The following UBE2N variants were observed in gnomAD, a reference collection of about 807,000 sequenced individuals.
UBE2N encodes ubiquitin conjugating enzyme E2 N.
For missense variants in UBE2N, 60 were observed against 192.1 expected (o/e 0.31, Z 4.07); for synonymous variants, 70 against 69.2 (o/e 1.01, Z -0.06).
At chr12:93,424,198 G>A (rs1878505495) in intron 1 of UBE2N, 1 of 152,062 alleles carries the variant, frequency 6.6e-6, no homozygotes, top group African/African-American at 2.4e-5. Flanking sequence ...AAAACCATAC[G>A]GCATAAACAG....
chr12:93,414,724 T>C (rs897717490), intron 1 of UBE2N, among the ~76,000 whole-genome samples: 3 of 152,156 alleles, frequency 2.0e-5, no homozygotes, highest in Admixed American at 6.5e-5. Flanking sequence ...GTTTTCTCAG[T>C]GAAGCCATCA....
At chr12:93,419,355 A>C (rs943952187) in intron 1 of UBE2N, among the ~76,000 whole-genome samples, 2 of 152,088 alleles carry the variant, frequency 1.3e-5, no homozygotes, top group African/African-American at 4.8e-5. Flanking sequence ...GTGCCACTGC[A>C]CTTCAGCCTG....
chr12:93,417,069 T>C (rs920809996), intron 1 of UBE2N, among the ~76,000 whole-genome samples: 1 of 152,178 alleles, frequency 6.6e-6, no homozygotes, highest in African/African-American at 2.4e-5. Flanking sequence ...ATGTAGACTA[T>C]GTTCAGGAAG....
intron 1 of UBE2N, among the ~76,000 whole-genome samples, chr12:93,441,459 ACCAGGCGCCCGAGCCCCG>A (rs1358778817): frequency 2.0e-5 from 3 of 152,084 alleles, no homozygotes; most frequent in Non-Finnish European, 4.4e-5. Flanking sequence ...CACAATCCCC[ACCAGGCGCCCGAGCCCCG>A]CCGCGATTCC....
intron 1 of UBE2N, among the ~76,000 whole-genome samples, chr12:93,412,744 GAAGGAGGAAGT>G (rs1224332982): frequency 1.3e-5 from 2 of 152,204 alleles, no homozygotes; most frequent in Non-Finnish European, 2.9e-5. Flanking sequence ...GGGAACAAAG[GAAGGAGGAAGT>G]AACTTGTGGA....
rs1426837548 is a variant in UBE2N at position 93,406,529 on chromosome 12, T to C, written c.*3510A>G. The C allele has an allele frequency of 6.6e-6, 1 of 152,234 alleles. No individual in the cohort carries two copies. Among genetic ancestry groups the C allele is most frequent in the Admixed American group, 6.5e-5 (1 of 15,272 alleles). 9.4% of individuals were successfully genotyped at this position (152,234 alleles called of 1,614,324 possible). ...TTGTTTTACAAGTACATTCTTGGTC[T>C]AGAGTAAGGTTCTATATAGTTGGCC... is the stretch of plus-strand genomic sequence containing the variant. On this transcript the variant is annotated 3_prime_UTR_variant, in exon 4 of 4. Transcript: ENST00000318066.
chr12:93,416,044 G>A (rs1192100284), intron 1 of UBE2N, among the ~76,000 whole-genome samples: 2 of 152,262 alleles, frequency 1.3e-5, no homozygotes, highest in East Asian at 1.9e-4. Context: ...ATAAGCTTTC[G>A]TGTGTAGAAA....
At chr12:93,432,933 G>GTTTTT (rs71071735) in intron 1 of UBE2N, among the ~76,000 whole-genome samples, 18,917 of 132,610 alleles carry the variant, frequency 0.14, 2,168 homozygotes, top group Non-Finnish European at 0.2. Context: ...CTTCATTCAG[G>GTTTTT]TTTTTTTTTT....
intron 1 of UBE2N, among the ~76,000 whole-genome samples, chr12:93,440,520 A>G (rs1879066902): frequency 6.6e-6 from 1 of 152,340 alleles, no homozygotes; most frequent in Admixed American, 6.5e-5. Context: ...TCTCAGATAT[A>G]TTTAAATGCA....
At chr12:93,410,626 T>C in intron 3 of UBE2N, 108 bp downstream of exon 3, 2 of 1,502,066 alleles carry the variant, frequency 1.3e-6, no homozygotes. Flanking sequence ...TCTCACTTAT[T>C]ATACTTTTTT....
At chr12:93,413,664 T>C (rs907605993) in intron 1 of UBE2N, among the ~76,000 whole-genome samples, 1 of 152,142 alleles carries the variant, frequency 6.6e-6, no homozygotes, top group Non-Finnish European at 1.5e-5. Context: ...GCCACACACA[T>C]CTAGCCTGAT....
chr12:93,441,885 C>G lies in UBE2N; in HGVS notation c.-1G>C. 6.3e-7 allele frequency: 1 copy of G among 1,578,744 alleles called. No homozygotes were observed. The highest frequency in any genetic ancestry group is 1.4e-5 in the African/African-American group (1 of 71,246). Reference sequence around the variant, plus strand: ...TGATCCTGCGGGGCAGCCCGGCCATCTTGTCAGAACCCGAGTTCGGCCTCT... The same window carrying G: ...TGATCCTGCGGGGCAGCCCGGCCATGTTGTCAGAACCCGAGTTCGGCCTCT... On this transcript the variant is annotated 5_prime_UTR_variant, in exon 1 of 4. Transcript: ENST00000318066.
At chr12:93,431,053 C>T (rs1878754476) in intron 1 of UBE2N, among the ~76,000 whole-genome samples, 1 of 151,790 alleles carries the variant, frequency 6.6e-6, no homozygotes, top group African/African-American at 2.4e-5. Flanking sequence ...ATGGTGAAAC[C>T]CCGTCTCTAC....
At chr12:93,431,487 T>G (rs1441518406) in intron 1 of UBE2N, among the ~76,000 whole-genome samples, 3 of 152,132 alleles carry the variant, frequency 2.0e-5, no homozygotes, top group Non-Finnish European at 4.4e-5. Flanking sequence ...AGCTATAAAA[T>G]AGGAATGATA....
chr12:93,422,535 G>A (rs1308264211), intron 1 of UBE2N, among the ~76,000 whole-genome samples: 1 of 151,864 alleles, frequency 6.6e-6, no homozygotes, highest in Non-Finnish European at 1.5e-5. Flanking sequence ...TCTGGGAGTG[G>A]GTATATAACT....
At chr12:93,421,261 A>G (rs911253977) in intron 1 of UBE2N, among the ~76,000 whole-genome samples, 3 of 151,346 alleles carry the variant, frequency 2.0e-5, no homozygotes, top group Non-Finnish European at 4.4e-5. Context: ...GAGTGCAGTG[A>G]TACAATCTCA....
intron 1 of UBE2N, among the ~76,000 whole-genome samples, chr12:93,431,065 A>G (rs1203527195): frequency 6.6e-6 from 1 of 152,058 alleles, no homozygotes; most frequent in African/African-American, 2.4e-5. Context: ...CGTCTCTACT[A>G]AAAATACAAA....
intron 1 of UBE2N, among the ~76,000 whole-genome samples, chr12:93,441,557 C>T (rs959962598): frequency 1.3e-5 from 2 of 152,008 alleles, no homozygotes; most frequent in African/African-American, 4.8e-5. Context: ...AGCCCAGAGA[C>T]CCCCAGCCTT....
At chr12:93,436,093 T>A (rs983604528) in intron 1 of UBE2N, among the ~76,000 whole-genome samples, 1 of 152,058 alleles carries the variant, frequency 6.6e-6, no homozygotes, top group African/African-American at 2.4e-5. Context: ...ATTTTATCAT[T>A]TTCATTATTA....
Sources: gnomAD v4.1 joint callset for allele counts (sites outside exome capture counted in the v4.1 genomes callset) on GRCh38, gnomAD v4.1.1 for gene constraint, MANE v1.5 for transcripts, NCBI Gene and HGNC (gene_info 2026-07-23, HGNC 2026-07-21) for gene names.